The following TENM4 variants were observed in gnomAD, a reference collection of about 807,000 sequenced individuals.
TENM4 encodes teneurin-4.
In TENM4, 82 loss-of-function variants were observed where a neutral mutation model predicts 243.3. That is an observed-to-expected ratio of 0.34 (90% confidence interval 0.28 to 0.40). The LOEUF is 0.40. TENM4 is among the 10% of genes least tolerant of loss of function. TENM4 has a pLI of 1.00. For synonymous variants in TENM4, 1,412 were observed against 1,456.3 expected, an observed-to-expected ratio of 0.97 and a Z score of 0.69; for missense variants, 3,138 against 3,673.3, an observed-to-expected ratio of 0.85 and a Z score of 3.77.
At chr11:79,077,299 C>T (rs969577736) in intron 4 of TENM4, among the ~76,000 whole-genome samples, 14 of 152,162 alleles carry the variant, frequency 9.2e-5, no homozygotes, top group African/African-American at 3.1e-4. Flanking sequence ...GCCTGCCCCA[C>T]ACCCAGGCCA....
At chr11:79,008,120 G>GAA (rs1426481346) in intron 6 of TENM4, among the ~76,000 whole-genome samples, 1 of 152,176 alleles carries the variant, frequency 6.6e-6, no homozygotes, top group Non-Finnish European at 1.5e-5. Context: ...ACGTGATGGA[G>GAA]TTACCCATTA....
intron 6 of TENM4, among the ~76,000 whole-genome samples, chr11:78,968,173 C>T (rs1468725656): frequency 6.6e-6 from 1 of 152,240 alleles, no homozygotes; most frequent in Non-Finnish European, 1.5e-5. Context: ...AGGTGACACA[C>T]ATGCTCTCCC....
At chr11:78,833,119 T>G (rs1475245238) in intron 12 of TENM4, among the ~76,000 whole-genome samples, 2 of 149,884 alleles carry the variant, frequency 1.3e-5, no homozygotes, top group East Asian at 3.9e-4. Context: ...TTGACCTCTG[T>G]AGCATTAAAA....
chr11:78,897,169 C>A (rs116737243), intron 7 of TENM4, among the ~76,000 whole-genome samples: 1,862 of 152,254 alleles, frequency 0.012, 38 homozygotes, highest in African/African-American at 0.043. Flanking sequence ...TAATGAGCCT[C>A]CCTGATTGGC....
chr11:79,196,885 G>A (rs1015170020), intron 3 of TENM4, among the ~76,000 whole-genome samples: 1 of 152,150 alleles, frequency 6.6e-6, no homozygotes, highest in Non-Finnish European at 1.5e-5. Context: ...CACTGACAGA[G>A]CCTTGTAGCA....
intron 3 of TENM4, among the ~76,000 whole-genome samples, chr11:79,158,696 T>A (rs1298455119): frequency 6.6e-6 from 1 of 152,352 alleles, no homozygotes; most frequent in African/African-American, 2.4e-5. Flanking sequence ...AATCAACATG[T>A]GATATATGCA....
chr11:79,110,821 C>T (rs557525246), intron 4 of TENM4, among the ~76,000 whole-genome samples: 75 of 152,282 alleles, frequency 4.9e-4, no homozygotes, highest in African/African-American at 1.6e-3. Flanking sequence ...GTAAAGCACC[C>T]GACCCTGCTC....
intron 1 of TENM4, among the ~76,000 whole-genome samples, chr11:79,369,665 A>G (rs1857744749): frequency 6.6e-6 from 1 of 152,078 alleles, no homozygotes; most frequent in Non-Finnish European, 1.5e-5. Flanking sequence ...GGCTCATGTC[A>G]CTCATCCAAC....
chr11:78,775,358 A>C (rs149267554), intron 17 of TENM4, among the ~76,000 whole-genome samples: 1 of 152,342 alleles, frequency 6.6e-6, no homozygotes, highest in African/African-American at 2.4e-5. Context: ...GATTGGGTCA[A>C]TGAATCATTG....
chr11:79,100,874 T>A (rs181445575), intron 4 of TENM4, among the ~76,000 whole-genome samples: 64 of 152,318 alleles, frequency 4.2e-4, no homozygotes, highest in Non-Finnish European at 7.2e-4. Context: ...GAAAGGAGTC[T>A]GCCTGTGTCC....
intron 12 of TENM4, among the ~76,000 whole-genome samples, chr11:78,841,486 C>T (rs1256971082): frequency 2.0e-5 from 3 of 152,152 alleles, no homozygotes; most frequent in Non-Finnish European, 4.4e-5. Context: ...ACCCTGTATC[C>T]CACTCCCCTC....
At chr11:79,250,275 C>T (rs554971767) in intron 2 of TENM4, among the ~76,000 whole-genome samples, 1 of 152,356 alleles carries the variant, frequency 6.6e-6, no homozygotes, top group East Asian at 1.9e-4. Flanking sequence ...GCGTGAGCCA[C>T]CACGCCTGGC....
chr11:78,749,245 A>G (rs762643831), intron 19 of TENM4: 18 of 152,280 alleles, frequency 1.2e-4, no homozygotes, highest in Non-Finnish European at 1.3e-4. Context: ...CAACGCGGGG[A>G]GGGATTTTTA....
chr11:78,790,210 A>G (rs370613404), intron 15 of TENM4, among the ~76,000 whole-genome samples: 2 of 152,336 alleles, frequency 1.3e-5, no homozygotes, highest in East Asian at 3.9e-4. Flanking sequence ...ATCTATAGCT[A>G]TGACTCATGC....
intron 18 of TENM4, among the ~76,000 whole-genome samples, chr11:78,769,396 C>T (rs1361961326): frequency 1.3e-5 from 2 of 152,110 alleles, no homozygotes; most frequent in Admixed American, 1.3e-4. Context: ...GTGTCACCTT[C>T]TGATGAATGC....
At chr11:79,330,451 C>A (rs1857043859) in intron 1 of TENM4, among the ~76,000 whole-genome samples, 1 of 152,198 alleles carries the variant, frequency 6.6e-6, no homozygotes, top group South Asian at 2.1e-4. Context: ...CCTGGGCTCT[C>A]TGAGAGTTGA....
intron 4 of TENM4, among the ~76,000 whole-genome samples, chr11:79,113,321 C>T (rs1357966261): frequency 3.3e-5 from 5 of 151,550 alleles, no homozygotes; most frequent in Non-Finnish European, 7.4e-5. Context: ...GAAGAAAATT[C>T]ATATCCTTCA....
chr11:79,194,030 T>C (rs1269535893), intron 3 of TENM4, among the ~76,000 whole-genome samples: 1 of 152,030 alleles, frequency 6.6e-6, no homozygotes, highest in African/African-American at 2.4e-5. Context: ...GGGGAGGTAA[T>C]TGAATCATGG....
chr11:78,734,870 C>G (rs1855751783), intron 20 of TENM4, among the ~76,000 whole-genome samples: 1 of 152,210 alleles, frequency 6.6e-6, no homozygotes, highest in African/African-American at 2.4e-5. Context: ...GCATGAGTGA[C>G]AGCATCAGCT....
Sources: gnomAD v4.1 joint callset for allele counts (sites outside exome capture counted in the v4.1 genomes callset) on GRCh38, gnomAD v4.1.1 for gene constraint, MANE v1.5 for transcripts, NCBI Gene and HGNC (gene_info 2026-07-23, HGNC 2026-07-21) for gene names.